The following PDE3A variants were observed in gnomAD, a reference collection of about 807,000 sequenced individuals.
PDE3A encodes the protein phosphodiesterase 3A.
A neutral mutation model predicts 98.3 loss-of-function variants in PDE3A; 43 were observed. The ratio of observed to expected loss-of-function variants is 0.44; its 90% CI spans 0.34 to 0.56. The LOEUF (loss-of-function observed/expected upper bound fraction) is 0.56, where lower values mean the gene tolerates loss of function less well. PDE3A is among the 20% of genes least tolerant of loss of function. The pLI is 0.01. For missense variants in PDE3A, 1,427 were observed against 1,440.7 expected (o/e 0.99, Z 0.15); for synonymous variants, 663 against 567.9 (o/e 1.17, Z -2.38).
In PDE3A at chr12:20,477,034, G is replaced by T. The variant is rs368968429; in HGVS notation, c.961-79626G>T. The stretch of plus-strand genomic sequence containing the variant: ...TGTTAACTACTAATACTATTTCGTG[G>T]TTTAGTATAGATGGGTTAATCCTCA... On this transcript the variant is annotated intron_variant, in intron 1 of 15. Coordinates refer to ENST00000359062, the MANE Select transcript of PDE3A (RefSeq NM_000921.5). 2.3e-4 allele frequency among the ~76,000 whole-genome samples: 35 copies of T among 152,204 alleles called. No homozygotes were observed. In the East Asian group the frequency reaches 3.7e-3, roughly 16 times the overall value.
chr12:20,383,028 A>G (rs1174106921), intron 1 of PDE3A, among the ~76,000 whole-genome samples: 1 of 151,988 alleles, frequency 6.6e-6, no homozygotes, highest in African/African-American at 2.4e-5. Flanking sequence ...GAGCCAGATA[A>G]GGCAACAGTA....
intron 15 of PDE3A, among the ~76,000 whole-genome samples, chr12:20,656,314 C>G (rs1247530678): frequency 6.6e-6 from 1 of 152,142 alleles, no homozygotes; most frequent in Non-Finnish European, 1.5e-5. Context: ...ATCCATTTTG[C>G]TCTCATATAA....
chr12:20,642,688 A>C (rs1353235064), intron 10 of PDE3A, among the ~76,000 whole-genome samples: 4 of 152,208 alleles, frequency 2.6e-5, no homozygotes. Context: ...TCATGGCAGC[A>C]ATGAGAATAG....
intron 2 of PDE3A, among the ~76,000 whole-genome samples, chr12:20,579,430 CTT>C (rs1307468996): frequency 6.6e-6 from 1 of 151,854 alleles, no homozygotes; most frequent in Non-Finnish European, 1.5e-5. Flanking sequence ...CAAATCTAGT[CTT>C]TTCTGAGCTC....
At position 20,369,377 on chromosome 12, in the gene PDE3A, T is replaced by A. The variant is rs758419677; in HGVS notation, c.93T>A (p.His31Gln). Residue 31 changes from histidine (H) to glutamine (Q), a missense_variant, in exon 1 of 16, where the codon CAT becomes CAA. This residue lies in a region of PDE3A where 1,012 missense variants were observed against 886.5 expected (regional missense o/e 1.14). Coordinates refer to ENST00000359062, the MANE Select transcript of PDE3A (RefSeq NM_000921.5). ...CCACGGCGGGCCGGGACTGCCACCA[T>A]CGTGCGGACCCCGCATCGCCGCGGG... ...QAPTAGRDCH[H>Q]RADPASPRDS... is the part of the protein sequence containing the mutation. The A allele has an allele frequency of 2.6e-6, 4 of 1,550,036 alleles. No individual in the cohort carries two copies. In the South Asian group the frequency reaches 4.8e-5, roughly 18 times the overall value.
intron 1 of PDE3A, among the ~76,000 whole-genome samples, chr12:20,496,158 C>T (rs950267596): frequency 1.3e-5 from 2 of 152,108 alleles, no homozygotes; most frequent in African/African-American, 4.8e-5. Flanking sequence ...CTGTTCTGTG[C>T]ACACTATCTG....
At chr12:20,545,987 T>C (rs554917799) in intron 1 of PDE3A, among the ~76,000 whole-genome samples, 1 of 151,966 alleles carries the variant, frequency 6.6e-6, no homozygotes, top group South Asian at 2.1e-4. Context: ...AGCGGGGAGA[T>C]GTGATGAAGT....
intron 10 of PDE3A, among the ~76,000 whole-genome samples, chr12:20,644,883 TCTTC>T (rs202085066): frequency 0.023 from 2,492 of 108,686 alleles, 99 homozygotes; most frequent in African/African-American, 0.08. Context: ...CTCTTCCTCT[TCTTC>T]CTTCTTTTTT....
At chr12:20,675,221 T>A (rs906398466) in intron 15 of PDE3A, among the ~76,000 whole-genome samples, 1 of 152,164 alleles carries the variant, frequency 6.6e-6, no homozygotes, top group African/African-American at 2.4e-5. Context: ...TTATACAGTT[T>A]CCAAAGTTTC....
At chr12:20,621,154 G>A in intron 4 of PDE3A, 142 bp from the exon 5 acceptor site, 2 of 614,908 alleles carry the variant, frequency 3.3e-6, no homozygotes, top group Non-Finnish European at 5.8e-6. Context: ...GAAGTACAGT[G>A]GTTCTGTCAC....
chr12:20,373,738 T>C (rs1943522155), intron 1 of PDE3A, among the ~76,000 whole-genome samples: 1 of 152,142 alleles, frequency 6.6e-6, no homozygotes, highest in Non-Finnish European at 1.5e-5. Context: ...TTGGGATGGA[T>C]ACAACATCAT....
chr12:20,675,068 T>C (rs1260301616), intron 15 of PDE3A, among the ~76,000 whole-genome samples: 3 of 152,190 alleles, frequency 2.0e-5, no homozygotes, highest in Middle Eastern at 3.4e-3. Flanking sequence ...TTGTTGTTGA[T>C]ATTTATTGTG....
intron 12 of PDE3A, among the ~76,000 whole-genome samples, chr12:20,648,141 A>G (rs1003136897): frequency 1.2e-4 from 18 of 151,476 alleles, no homozygotes; most frequent in African/African-American, 3.9e-4. Flanking sequence ...TGGAGTGAGA[A>G]TGTTTTAAGT....
intron 2 of PDE3A, 58 bp from the exon 3 acceptor site, chr12:20,613,385 T>G (rs751332623): frequency 2.2e-5 from 34 of 1,550,342 alleles, no homozygotes; most frequent in Non-Finnish European, 2.8e-5. Context: ...AAATTAATGC[T>G]TTGTGCCTTC....
At chr12:20,440,218 A>G (rs1565549800) in intron 1 of PDE3A, among the ~76,000 whole-genome samples, 1 of 152,164 alleles carries the variant, frequency 6.6e-6, no homozygotes, top group Non-Finnish European at 1.5e-5. Flanking sequence ...GCCTTGCTCC[A>G]GGTTTTACAA....
At chr12:20,475,318 C>T (rs533785905) in intron 1 of PDE3A, among the ~76,000 whole-genome samples, 1 of 152,150 alleles carries the variant, frequency 6.6e-6, no homozygotes, top group Admixed American at 6.5e-5. Flanking sequence ...GGTTAGCTCA[C>T]ACTTGCTTTT....
intron 1 of PDE3A, among the ~76,000 whole-genome samples, chr12:20,437,128 G>T (rs1476758612): frequency 6.6e-6 from 1 of 151,978 alleles, no homozygotes; most frequent in Admixed American, 6.6e-5. Context: ...TCTGGACTGT[G>T]CTACTAAACA....
At chr12:20,390,761 C>A (rs1161961416) in intron 1 of PDE3A, among the ~76,000 whole-genome samples, 2 of 151,940 alleles carry the variant, frequency 1.3e-5, no homozygotes, top group Non-Finnish European at 2.9e-5. Context: ...TTTAATACCA[C>A]AACCACGTTA....
chr12:20,478,961 A>T (rs1945577180), intron 1 of PDE3A, among the ~76,000 whole-genome samples: 1 of 152,198 alleles, frequency 6.6e-6, no homozygotes, highest in African/African-American at 2.4e-5. Context: ...AGAGCAGAAA[A>T]TAATTACACT....
Sources: allele counts gnomAD v4.1 joint callset (sites outside exome capture counted in the v4.1 genomes callset), GRCh38; gene constraint gnomAD v4.1.1; regional missense constraint gnomAD v4.1.1; transcripts MANE v1.5; gene names NCBI Gene and HGNC (gene_info 2026-07-23, HGNC 2026-07-21).